Variants in SCMH1 observed in about 807,000 individuals in gnomAD.
SCMH1 encodes polycomb protein SCMH1.
In SCMH1, 37 loss-of-function variants were observed where a neutral mutation model predicts 70.8. The ratio of observed to expected loss-of-function variants is 0.52; its 90% CI spans 0.40 to 0.69. The LOEUF is 0.69. Ranked by LOEUF, SCMH1 falls within the 30% of genes least tolerant of loss-of-function variation. SCMH1 has a pLI of 0.00. For missense variants in SCMH1, 607 were observed against 827.3 expected (o/e 0.73, Z 3.27); for synonymous variants, 292 against 307.4 (o/e 0.95, Z 0.52).
intron 10 of SCMH1, among the ~76,000 whole-genome samples, chr1:41,059,684 C>T (rs1239368256): frequency 6.6e-6 from 1 of 152,206 alleles, no homozygotes; most frequent in Non-Finnish European, 1.5e-5. Context: ...GATGGCAGAG[C>T]TAAAAGAGCA....
At chr1:41,159,927 T>C in intron 4 of SCMH1, 2 of 818,524 alleles carry the variant, frequency 2.4e-6, no homozygotes, top group South Asian at 4.5e-5. Context: ...TAATCTTCTT[T>C]ACAACCCTGT....
chr1:41,119,851 CCTT>C lies in SCMH1; in HGVS notation c.413-2844_413-2842del, dbSNP rs959303365. On this transcript the variant is annotated intron_variant, in intron 6 of 14. Coordinates refer to ENST00000337495, the Ensembl canonical transcript of SCMH1. ...TATGAGTTAATAATTCCTGCCTCCT[CCTT>C]TTTTCCCTCTCTAATCTGGTTTGAG... Among the ~76,000 whole-genome samples, 43 of 152,194 alleles carry C rather than the reference CCTT, an allele frequency of 2.8e-4. 1 individual carries two copies. Among genetic ancestry groups the C allele is most frequent in the Admixed American group, 2.8e-3 (43 of 15,278 alleles).
At chr1:41,075,100 G>T (rs1657850600) in intron 9 of SCMH1, 119 bp downstream of exon 9, 8 of 899,584 alleles carry the variant, frequency 8.9e-6, no homozygotes, top group Non-Finnish European at 1.8e-6. Context: ...CTGACCTCAT[G>T]ATCCGCCCGC....
At chr1:41,232,294 A>T (rs1279326721) in intron 1 of SCMH1, among the ~76,000 whole-genome samples, 1 of 152,224 alleles carries the variant, frequency 6.6e-6, no homozygotes, top group Non-Finnish European at 1.5e-5. Context: ...AAATATGAGC[A>T]CTGATCCTAA....
exon 15 of SCMH1, chr1:41,027,987 C>T (rs1434097065): frequency 5.0e-6 from 3 of 605,000 alleles, no homozygotes; most frequent in South Asian, 2.0e-5. Context: ...GCAGCACCAG[C>T]CCTGGACCCC....
chr1:41,232,985 G>A (rs1478158471), intron 1 of SCMH1, among the ~76,000 whole-genome samples: 2 of 152,188 alleles, frequency 1.3e-5, no homozygotes, highest in Admixed American at 1.3e-4. Flanking sequence ...AGGACCAAGA[G>A]TCAAGAGAAC....
chr1:41,101,038 A>G (rs1666483940), intron 8 of SCMH1, among the ~76,000 whole-genome samples: 1 of 152,086 alleles, frequency 6.6e-6, no homozygotes, highest in South Asian at 2.1e-4. Flanking sequence ...AGAAAAAAAA[A>G]AAGAAGAGAG....
chr1:41,034,537 C>T (rs1645023303), intron 13 of SCMH1, among the ~76,000 whole-genome samples: 2 of 152,046 alleles, frequency 1.3e-5, no homozygotes, highest in South Asian at 2.1e-4. Context: ...CCATGTTGAC[C>T]AGGATAGTCT....
intron 6 of SCMH1, among the ~76,000 whole-genome samples, chr1:41,130,049 T>C (rs531282975): frequency 6.6e-6 from 1 of 152,198 alleles, no homozygotes; most frequent in East Asian, 1.9e-4. Flanking sequence ...GTCATCTCAA[T>C]GCAGTTTTAA....
Position 41,078,273 on chromosome 1 carries a change from A to T in SCMH1, c.746-2822T>A, listed in dbSNP as rs77632703. 5.9e-5 allele frequency among the ~76,000 whole-genome samples: 9 copies of T among 152,142 alleles called. No homozygotes were observed. In the East Asian group the frequency reaches 1.7e-3, roughly 29 times the overall value. On this transcript the variant is annotated intron_variant, in intron 8 of 14. Coordinates refer to ENST00000337495, the Ensembl canonical transcript of SCMH1. ...TAGACACAGTCAATAGGTCCAAAAT[A>T]TGAGTGGCTGCAATCCCACAGGGAG...
chr1:41,054,557 CT>C (rs1294579241), intron 10 of SCMH1, among the ~76,000 whole-genome samples: 2 of 152,178 alleles, frequency 1.3e-5, no homozygotes, highest in African/African-American at 4.8e-5. Flanking sequence ...TAACTCTATG[CT>C]GTGCAGACTC....
chr1:41,164,670 T>G (rs1326179916), intron 2 of SCMH1, among the ~76,000 whole-genome samples: 1 of 152,110 alleles, frequency 6.6e-6, no homozygotes, highest in African/African-American at 2.4e-5. Context: ...AAGCCAACCC[T>G]CCATTTTAGC....
intron 2 of SCMH1, among the ~76,000 whole-genome samples, chr1:41,183,790 T>C (rs1489122914): frequency 6.6e-6 from 1 of 152,222 alleles, no homozygotes; most frequent in African/African-American, 2.4e-5. Flanking sequence ...AGAAGTCACA[T>C]GGTAAGATAT....
chr1:41,126,471 C>CA (rs1253011086), intron 6 of SCMH1, among the ~76,000 whole-genome samples: 3 of 152,090 alleles, frequency 2.0e-5, no homozygotes, highest in African/African-American at 7.2e-5. Context: ...ACTCTTATCC[C>CA]AGTACTTTCT....
intron 6 of SCMH1, among the ~76,000 whole-genome samples, chr1:41,139,291 T>C (rs1347775783): frequency 6.6e-6 from 1 of 152,198 alleles, no homozygotes; most frequent in Non-Finnish European, 1.5e-5. Context: ...AGGCCCCCAT[T>C]GTTCTCTCCC....
chr1:41,220,221 G>T (rs1191851544), intron 1 of SCMH1, among the ~76,000 whole-genome samples: 2 of 152,222 alleles, frequency 1.3e-5, no homozygotes, highest in African/African-American at 4.8e-5. Flanking sequence ...CCCATGGCCT[G>T]CTTTAATCAC....
At chr1:41,156,057 TG>T in intron 4 of SCMH1, among the ~76,000 whole-genome samples, 1 of 150,762 alleles carries the variant, frequency 6.6e-6, no homozygotes, top group South Asian at 2.1e-4. Context: ...CTTCCAGTCA[TG>T]GGACACTCAT....
At chr1:41,053,906 G>C (rs1025171119) in intron 10 of SCMH1, among the ~76,000 whole-genome samples, 1 of 151,792 alleles carries the variant, frequency 6.6e-6, no homozygotes, top group Non-Finnish European at 1.5e-5. Flanking sequence ...GTGCATTGGC[G>C]TGATCTCGGC....
chr1:41,156,354 T>A (rs1434124592), intron 4 of SCMH1, among the ~76,000 whole-genome samples: 1 of 152,238 alleles, frequency 6.6e-6, no homozygotes, highest in Non-Finnish European at 1.5e-5. Flanking sequence ...CACTCCACTA[T>A]TACCGTATAA....
Sources: gnomAD v4.1 joint callset for allele counts (sites outside exome capture counted in the v4.1 genomes callset) on GRCh38, gnomAD v4.1.1 for gene constraint, MANE v1.5 for transcripts, NCBI Gene and HGNC (gene_info 2026-07-23, HGNC 2026-07-21) for gene names.